Variants in METTL15 observed in about 807,000 individuals in gnomAD.
The protein encoded by METTL15 is 12S rRNA N(4)-cytidine methyltransferase METTL15.
In METTL15, 34 loss-of-function variants were observed where a neutral mutation model predicts 38.3. That is an observed-to-expected ratio of 0.89 (90% CI 0.68 to 1.18). METTL15 has a LOEUF of 1.18. METTL15 is among the 50% of genes most tolerant of loss of function. The pLI, the probability that METTL15 is intolerant of heterozygous loss-of-function variation, is 0.00. For synonymous variants in METTL15, 162 were observed against 170.9 expected, an observed-to-expected ratio of 0.95 and a Z score of 0.41; for missense variants, 438 against 498.4, an observed-to-expected ratio of 0.88 and a Z score of 1.15.
intron 3 of METTL15, among the ~76,000 whole-genome samples, chr11:28,143,780 T>C (rs1390348667): frequency 6.6e-6 from 1 of 152,200 alleles, no homozygotes; most frequent in Admixed American, 6.6e-5. Context: ...AGATGAATTT[T>C]GCCTTGAGAA....
At chr11:28,129,094 T>C (rs1194832163) in intron 3 of METTL15, among the ~76,000 whole-genome samples, 1 of 152,238 alleles carries the variant, frequency 6.6e-6, no homozygotes, top group African/African-American at 2.4e-5. Flanking sequence ...TAGGACATGA[T>C]GGAGAAAGAA....
chr11:28,328,903 T>G (rs1170576704), intron 6 of METTL15, among the ~76,000 whole-genome samples: 1 of 152,126 alleles, frequency 6.6e-6, no homozygotes, highest in Non-Finnish European at 1.5e-5. Context: ...TTTCCCATTC[T>G]CTGACTTGTC....
At chr11:28,504,176 G>T (rs1220257885) in intron 6 of METTL15, among the ~76,000 whole-genome samples, 1 of 116,696 alleles carries the variant, frequency 8.6e-6, no homozygotes, top group Non-Finnish European at 1.6e-5. Context: ...CAGCTTGGGC[G>T]ACAAGAGTGA....
intron 3 of METTL15, among the ~76,000 whole-genome samples, chr11:28,149,534 C>G (rs1423916360): frequency 6.6e-6 from 1 of 151,898 alleles, no homozygotes. Context: ...TGCAGGTTAC[C>G]TTTCCTTCTA....
chr11:28,380,494 T>C (rs575756995), intron 5 of METTL15, among the ~76,000 whole-genome samples: 1 of 152,226 alleles, frequency 6.6e-6, no homozygotes, highest in East Asian at 1.9e-4. Flanking sequence ...TGATAATTAA[T>C]AATTTATTAC....
chr11:28,359,802 G>T lies in METTL15; in HGVS notation c.*259-2135G>T, dbSNP rs1423322905. Among the ~76,000 whole-genome samples, 10 of 152,152 alleles carry T rather than the reference G, an allele frequency of 6.6e-5. No homozygotes were observed. In the East Asian group the frequency reaches 1.7e-3, roughly 26 times the overall value. ...TTCTGTAAAATAATAACTCTGGTAAGGTTACCAGATCATTTACACTGTGAT... is the reference window on the plus strand; with the variant it reads ...TTCTGTAAAATAATAACTCTGGTAATGTTACCAGATCATTTACACTGTGAT... On this transcript the variant is annotated intron_variant and NMD_transcript_variant, in intron 4 of 7. Coordinates refer to the METTL15 transcript ENST00000532947.
chr11:28,329,856 CAG>C (rs1168852708), intron 6 of METTL15, among the ~76,000 whole-genome samples: 1 of 152,052 alleles, frequency 6.6e-6, no homozygotes, highest in Non-Finnish European at 1.5e-5. Context: ...TCTTCGTAAA[CAG>C]AGTGTTCTTC....
chr11:28,376,176 A>G (rs1850309517), intron 5 of METTL15, among the ~76,000 whole-genome samples: 2 of 151,630 alleles, frequency 1.3e-5, no homozygotes, highest in Non-Finnish European at 2.9e-5. Context: ...GTAGATGTCT[A>G]TTAGGTCCGC....
chr11:28,406,258 A>G (rs749336452), intron 5 of METTL15, among the ~76,000 whole-genome samples: 7 of 152,046 alleles, frequency 4.6e-5, no homozygotes, highest in Non-Finnish European at 8.8e-5. Context: ...TTCCTTGAGC[A>G]GTGGTTTGTA....
chr11:28,158,782 A>G (rs1013789355), intron 3 of METTL15, among the ~76,000 whole-genome samples: 26 of 152,144 alleles, frequency 1.7e-4, no homozygotes, highest in Non-Finnish European at 1.5e-5. Flanking sequence ...TGGTCTTACC[A>G]TCTTCCCCAT....
At chr11:28,154,215 A>G (rs1053269788) in intron 3 of METTL15, among the ~76,000 whole-genome samples, 8 of 152,096 alleles carry the variant, frequency 5.3e-5, no homozygotes, top group Non-Finnish European at 7.4e-5. Flanking sequence ...CTTGAGGACA[A>G]ATCTATGTTC....
chr11:28,388,284 A>G (rs1281072103), intron 5 of METTL15, among the ~76,000 whole-genome samples: 1 of 152,156 alleles, frequency 6.6e-6, no homozygotes, highest in African/African-American at 2.4e-5. Context: ...CTATTTACAA[A>G]TGATATAATC....
chr11:28,288,261 C>T (rs553275091), intron 4 of METTL15, among the ~76,000 whole-genome samples: 2 of 152,248 alleles, frequency 1.3e-5, no homozygotes, highest in East Asian at 3.9e-4. Context: ...GTAATGACTC[C>T]TCAAAGACCT....
At chr11:28,244,114 C>A (rs894017974) in intron 4 of METTL15, among the ~76,000 whole-genome samples, 11 of 151,992 alleles carry the variant, frequency 7.2e-5, no homozygotes, top group Non-Finnish European at 1.2e-4. Context: ...AAAACAAAAA[C>A]AAAAAACCAA....
In METTL15 at chr11:28,330,873, C is replaced by T. The variant is rs1849797788; in HGVS notation, c.*32C>T. The T allele has an allele frequency of 6.8e-7, 1 of 1,465,766 alleles. No individual in the cohort carries two copies. Among genetic ancestry groups the T allele is most frequent in the Non-Finnish European group, 9.1e-7 (1 of 1,095,192 alleles). 90.8% of individuals were successfully genotyped at this position (1,465,766 alleles called of 1,614,324 possible). A position where few individuals can be genotyped will look rare whatever the true frequency, so the allele number is the denominator to read the frequency against. ...ATCATCTTATTCTTCAAATTTTTTT[C>T]TCACAATTTCTCTAATCTTTACTCA... On this transcript the variant is annotated 3_prime_UTR_variant, in exon 7 of 7. Transcript: ENST00000407364.
At chr11:28,391,050 G>T (rs1465722984) in intron 5 of METTL15, among the ~76,000 whole-genome samples, 2 of 152,134 alleles carry the variant, frequency 1.3e-5, no homozygotes, top group African/African-American at 2.4e-5. Context: ...TGGTGTATAA[G>T]AATGCTTGTG....
At chr11:28,217,136 C>T (rs1403133869) in intron 4 of METTL15, among the ~76,000 whole-genome samples, 2 of 152,190 alleles carry the variant, frequency 1.3e-5, no homozygotes, top group East Asian at 3.9e-4. Context: ...GGAATCGCCA[C>T]ACTGACTTCC....
At chr11:28,317,079 G>A (rs962290419) in intron 6 of METTL15, among the ~76,000 whole-genome samples, 8 of 152,006 alleles carry the variant, frequency 5.3e-5, no homozygotes, top group African/African-American at 1.7e-4. Context: ...TTTCATTTCA[G>A]CAGTTAATGT....
chr11:28,336,691 C>T (rs979386287), downstream of METTL15, among the ~76,000 whole-genome samples: 1 of 152,168 alleles, frequency 6.6e-6, no homozygotes, highest in Admixed American at 6.6e-5. Context: ...ATTGTAACAT[C>T]ACAGGGCAAC....
Sources: gnomAD v4.1 joint callset for allele counts (sites outside exome capture counted in the v4.1 genomes callset) on GRCh38, gnomAD v4.1.1 for gene constraint, MANE v1.5 for transcripts, NCBI Gene and HGNC (gene_info 2026-07-23, HGNC 2026-07-21) for gene names.